FBLN1: variants seen among roughly 807,000 people sequenced by gnomAD.
The protein encoded by FBLN1 is fibulin-1.
A neutral mutation model predicts 89.7 loss-of-function variants in FBLN1; 34 were observed. That is an observed-to-expected ratio of 0.38 (90% CI 0.29 to 0.50). The LOEUF is 0.50. Ranked by LOEUF, FBLN1 falls within the 20% of genes least tolerant of loss-of-function variation. The pLI, the probability that FBLN1 is intolerant of heterozygous loss-of-function variation, is 0.92. For missense variants in FBLN1, 777 were observed against 988.1 expected, an observed-to-expected ratio of 0.79 and a Z score of 2.86; for synonymous variants, 393 against 391.3, an observed-to-expected ratio of 1.00 and a Z score of -0.05.
intron 16 of FBLN1, among the ~76,000 whole-genome samples, chr22:45,594,696 A>ATG (rs1569269676): frequency 0.066 from 9,416 of 143,076 alleles, 362 homozygotes; most frequent in South Asian, 0.16. Context: ...ATTGGTGGAT[A>ATG]GATGGATGGA....
intron 2 of FBLN1, among the ~76,000 whole-genome samples, chr22:45,522,546 G>A (rs1346208191): frequency 2.0e-5 from 3 of 152,260 alleles, no homozygotes; most frequent in South Asian, 4.2e-4. Context: ...GGGAGAGGCC[G>A]ACCTCTCCGC....
intron 11 of FBLN1, among the ~76,000 whole-genome samples, chr22:45,544,382 C>T (rs563956813): frequency 2.0e-5 from 3 of 152,280 alleles, no homozygotes; most frequent in African/African-American, 4.8e-5. Flanking sequence ...CCACCGCGCC[C>T]GGCCTGCCTC....
At chr22:45,584,970 G>C (rs190609331) in intron 16 of FBLN1, among the ~76,000 whole-genome samples, 1 of 152,200 alleles carries the variant, frequency 6.6e-6, no homozygotes, top group Non-Finnish European at 1.5e-5. Flanking sequence ...CCCTGCACTG[G>C]GTACTGCAGA....
chr22:45,539,964 G>T (rs1363663919), intron 8 of FBLN1, among the ~76,000 whole-genome samples: 1 of 152,192 alleles, frequency 6.6e-6, no homozygotes, highest in East Asian at 1.9e-4. Flanking sequence ...TTTCTCTAAA[G>T]GGCTAGATGG....
Position 45,590,692 on chromosome 22 carries a change from C to G in FBLN1, c.1973-9615C>G, listed in dbSNP as rs1420668733. Among the ~76,000 whole-genome samples, 1 of 151,952 alleles carries G rather than the reference C, an allele frequency of 6.6e-6. No individual in the cohort carries two copies. Among genetic ancestry groups the G allele is most frequent in the African/African-American group, 2.4e-5 (1 of 41,352 alleles). On this transcript the variant is annotated intron_variant, in intron 16 of 16. Transcript: ENST00000327858. This position sits in a 1 kb window ranked among gnomAD's most constrained non-coding sequence, Gnocchi z 4.1. ...GAGAGAAGGGAGGAGAGTCTGGAGA[C>G]CTTTAGGAATAGAATCCATTGGCCT...
At chr22:45,538,855 G>T (rs976175791) in intron 8 of FBLN1, among the ~76,000 whole-genome samples, 8 of 152,116 alleles carry the variant, frequency 5.3e-5, no homozygotes, top group Non-Finnish European at 1.2e-4. Context: ...CGAGCCTCCT[G>T]CCTGTAGCAG....
intron 1 of FBLN1, chr22:45,517,514 G>A (rs5765441): frequency 0.15 from 68,228 of 469,218 alleles, 5,924 homozygotes; most frequent in Admixed American, 0.26. Flanking sequence ...CATTTGGGCC[G>A]TGGCCTGGCT....
Position 45,516,291 on chromosome 22 carries a change from AGG to A in FBLN1, c.80-2387_80-2386del, listed in dbSNP as rs373440539. Among the ~76,000 whole-genome samples, 215 of 150,648 alleles carry A rather than the reference AGG, an allele frequency of 1.4e-3. 1 individual carries two copies. Among genetic ancestry groups the A allele is most frequent in the African/African-American group, 5.0e-3 (204 of 40,764 alleles). ...CCGGGGTTGGCTGCAGAAAGGGTGA[AGG>A]GGGTAGGGGGACAGATGGGAACTGG... is the stretch of plus-strand genomic sequence containing the variant. On this transcript the variant is annotated intron_variant, in intron 1 of 16. Coordinates refer to ENST00000327858, the MANE Select transcript of FBLN1 (RefSeq NM_006486.3).
chr22:45,541,136 G>C (rs1375950963), intron 8 of FBLN1, 93 bp from the exon 9 acceptor site: 3 of 1,530,118 alleles, frequency 2.0e-6, no homozygotes, highest in Non-Finnish European at 2.7e-6. Flanking sequence ...TTTGCAAAGA[G>C]GTGGGAAGGG....
In FBLN1 at chr22:45,576,834, G is replaced by T; in HGVS notation, c.1841-143G>T. ...ACCCCTCCACCCTCCCCACACAGGG[G>T]ATCTCTGGCTTCATTGATGTTGTCT... On this transcript the variant is annotated intron_variant, in intron 15 of 16. Transcript: ENST00000327858. This position sits in a 1 kb window ranked among gnomAD's most constrained non-coding sequence, Gnocchi z 5.2. 1.1e-6 allele frequency: 1 copy of T among 943,724 alleles called. No individual in the cohort carries two copies. Among genetic ancestry groups the T allele is most frequent in the Admixed American group, 2.0e-5 (1 of 50,300 alleles). 58.5% of individuals were successfully genotyped at this position (943,724 alleles called of 1,614,324 possible). A position where few individuals can be genotyped will look rare whatever the true frequency, so the allele number is the denominator to read the frequency against.
At position 45,556,938 on chromosome 22, in the gene FBLN1, C is replaced by T. The variant is rs551258988; in HGVS notation, c.1697+6323C>T. Among the ~76,000 whole-genome samples the T allele has an allele frequency of 2.6e-5, 4 of 152,152 alleles. No individual in the cohort carries two copies. Among genetic ancestry groups the T allele is most frequent in the South Asian group, 2.1e-4 (1 of 4,818 alleles). Reference sequence around the variant, plus strand: ...ATTTCCACCCTTGGATGCCTGGACCCGTGAATCCTGGCTATGGGAGAAACA... The same window carrying T: ...ATTTCCACCCTTGGATGCCTGGACCTGTGAATCCTGGCTATGGGAGAAACA... On this transcript the variant is annotated intron_variant, in intron 14 of 16. Transcript: ENST00000327858. This position sits in a 1 kb window ranked among gnomAD's most constrained non-coding sequence, Gnocchi z 4.6.
At chr22:45,533,444 C>T (rs2088437054) in intron 6 of FBLN1, among the ~76,000 whole-genome samples, 1 of 152,208 alleles carries the variant, frequency 6.6e-6, no homozygotes, top group Admixed American at 6.5e-5. Context: ...GCCTTGGGCA[C>T]ATCCTTCAGC....
In FBLN1 at chr22:45,580,076, T is replaced by TGG. The variant is rs1447353773; in HGVS notation, c.1972+2970_1972+2971dup. Among the ~76,000 whole-genome samples the TGG allele has an allele frequency of 6.6e-5, 10 of 152,150 alleles. No homozygotes were observed. The highest frequency in any genetic ancestry group is 1.5e-4 in the Non-Finnish European group (10 of 68,014). The stretch of plus-strand genomic sequence containing the variant: ...AGCGACGGGTCATGATTGTCTCCCT[T>TGG]GGGCAAAGGAGGGAGCTGAGTTAAA... On this transcript the variant is annotated intron_variant, in intron 16 of 16. Coordinates refer to ENST00000327858, the MANE Select transcript of FBLN1 (RefSeq NM_006486.3). This position sits in a 1 kb window ranked among gnomAD's most constrained non-coding sequence, Gnocchi z 8.6.
At chr22:45,518,906 C>T (rs2088209039) in intron 2 of FBLN1, 119 bp downstream of exon 2, 1 of 939,816 alleles carries the variant, frequency 1.1e-6, no homozygotes, top group Non-Finnish European at 1.7e-6. Context: ...GGCCCGGATC[C>T]ATCCAGGCTG....
chr22:45,529,203 C>G (rs143409287), intron 4 of FBLN1, among the ~76,000 whole-genome samples: 1 of 152,362 alleles, frequency 6.6e-6, no homozygotes, highest in East Asian at 1.9e-4. Context: ...AGTGCCCTCT[C>G]CATCTGGAGC....
rs950427920 is a variant in FBLN1 at position 45,530,049 on chromosome 22, C to T, written c.485-1216C>T. 3.3e-5 allele frequency among the ~76,000 whole-genome samples: 5 copies of T among 150,422 alleles called. No homozygotes were observed. Among genetic ancestry groups the T allele is most frequent in the African/African-American group, 1.2e-4 (5 of 40,206 alleles). On this transcript the variant is annotated intron_variant, in intron 4 of 16. Transcript: ENST00000327858. This position sits in a 1 kb window ranked among gnomAD's most constrained non-coding sequence, Gnocchi z 5.4. Reference sequence around the variant, plus strand: ...CTGTAGGGCCCCTGGTCACAGAGGACCCGGGTCACCCGGGACTCATCTTTC... The same window carrying T: ...CTGTAGGGCCCCTGGTCACAGAGGATCCGGGTCACCCGGGACTCATCTTTC...
In FBLN1 at chr22:45,575,383, G is replaced by T. The variant is rs1337793523; in HGVS notation, c.1840+730G>T. ...CAGAAGGGTCTGGAGGTATGGGGGGGCGGTGTGGGCGTTTGAGAAACTGAG... is the reference window on the plus strand; with the variant it reads ...CAGAAGGGTCTGGAGGTATGGGGGGTCGGTGTGGGCGTTTGAGAAACTGAG... On this transcript the variant is annotated intron_variant, in intron 15 of 16. Transcript: ENST00000327858. This position sits in a 1 kb window ranked among gnomAD's most constrained non-coding sequence, Gnocchi z 6.3. 6.6e-6 allele frequency among the ~76,000 whole-genome samples: 1 copy of T among 152,078 alleles called. No homozygotes were observed. Among genetic ancestry groups the T allele is most frequent in the African/African-American group, 2.4e-5 (1 of 41,414 alleles).
chr22:45,588,949 G>T lies in FBLN1; in HGVS notation c.1973-11358G>T, dbSNP rs2089111656. Among the ~76,000 whole-genome samples the T allele has an allele frequency of 6.6e-6, 1 of 151,736 alleles. No homozygotes were observed. The highest frequency in any genetic ancestry group is 1.5e-5 in the Non-Finnish European group (1 of 67,972). On this transcript the variant is annotated intron_variant, in intron 16 of 16. Coordinates refer to ENST00000327858, the MANE Select transcript of FBLN1 (RefSeq NM_006486.3). This position sits in a 1 kb window ranked among gnomAD's most constrained non-coding sequence, Gnocchi z 5.1. The stretch of plus-strand genomic sequence containing the variant: ...GGAGGATGTCAGGTGCTTCCAGGCG[G>T]ACTCTGCTAGGAACATTCCATCTGT...
chr22:45,584,662 T>A (rs1005022507), intron 16 of FBLN1, among the ~76,000 whole-genome samples: 1 of 152,112 alleles, frequency 6.6e-6, no homozygotes, highest in African/African-American at 2.4e-5. Context: ...AGTGGTCTAG[T>A]CTGGAGGATA....
Sources: allele counts gnomAD v4.1 joint callset (sites outside exome capture counted in the v4.1 genomes callset), GRCh38; gene constraint gnomAD v4.1.1; non-coding constraint Gnocchi (gnomAD v3.1); transcripts MANE v1.5; gene names NCBI Gene and HGNC (gene_info 2026-07-23, HGNC 2026-07-21).